The following ZBTB20 variants were observed in gnomAD, a reference collection of about 807,000 sequenced individuals.
ZBTB20 encodes the protein zinc finger and BTB domain-containing protein 20.
ZBTB20 carries 9 observed loss-of-function variants against 56.9 expected under a neutral mutation model. The observed-to-expected ratio is 0.16, with a 90% CI of 0.10 to 0.28. The LOEUF is 0.28. ZBTB20 is among the 10% of genes least tolerant of loss of function. The pLI is 1.00. For synonymous variants in ZBTB20, 417 were observed against 420.7 expected (o/e 0.99, Z 0.11); for missense variants, 655 against 1,003.0 (o/e 0.65, Z 4.69).
At chr3:114,354,975 C>T (rs886437912) in intron 10 of ZBTB20, among the ~76,000 whole-genome samples, 17 of 152,288 alleles carry the variant, frequency 1.1e-4, no homozygotes, top group Admixed American at 4.6e-4. Flanking sequence ...CACAGTAGCA[C>T]ATGGCAGTGT....
intron 7 of ZBTB20, among the ~76,000 whole-genome samples, chr3:114,437,073 G>T (rs1454527628): frequency 6.6e-6 from 1 of 152,150 alleles, no homozygotes; most frequent in African/African-American, 2.4e-5. Context: ...GGAGCTGGAG[G>T]GAGGGATAGG....
At chr3:115,047,979 G>C (rs146709216) in intron 2 of ZBTB20, among the ~76,000 whole-genome samples, 2,329 of 152,140 alleles carry the variant, frequency 0.015, 32 homozygotes, top group South Asian at 0.05. Context: ...CCAGCACTTT[G>C]GGAGGCTGAG....
chr3:114,638,703 C>G (rs1015997487), intron 6 of ZBTB20, among the ~76,000 whole-genome samples: 1 of 151,588 alleles, frequency 6.6e-6, no homozygotes, highest in African/African-American at 2.4e-5. Flanking sequence ...AGGATGAAAC[C>G]AGGTCAAAAA....
At position 114,336,055 on chromosome 3, in the gene ZBTB20, G is replaced by T. The variant is rs568974301; in HGVS notation, c.*2950C>A. ...AAGATCAACTTTTCAGGCGGTATTA[G>T]TGAAAATTCTTCCTACTTTGCTAAA... is the stretch of plus-strand genomic sequence containing the variant. On this transcript the variant is annotated 3_prime_UTR_variant, in exon 12 of 12. Coordinates refer to ENST00000675478, the MANE Select transcript of ZBTB20 (RefSeq NM_001348800.3). The T allele has an allele frequency of 9.3e-4, 142 of 152,330 alleles. No homozygotes were observed. The highest frequency in any genetic ancestry group is 3.3e-3 in the African/African-American group (137 of 41,570). 9.4% of individuals were successfully genotyped at this position (152,330 alleles called of 1,614,324 possible).
intron 5 of ZBTB20, among the ~76,000 whole-genome samples, chr3:114,698,661 T>A (rs2063205109): frequency 6.6e-6 from 1 of 152,168 alleles, no homozygotes; most frequent in African/African-American, 2.4e-5. Flanking sequence ...GATTTCTCCC[T>A]CAATGTGTGT....
chr3:114,442,598 C>A (rs111490697), intron 7 of ZBTB20, among the ~76,000 whole-genome samples: 3 of 152,250 alleles, frequency 2.0e-5, no homozygotes, highest in African/African-American at 7.2e-5. Flanking sequence ...ACCTTGTTCC[C>A]CTCACAAATA....
intron 3 of ZBTB20, among the ~76,000 whole-genome samples, chr3:114,946,022 A>C (rs1340321419): frequency 6.9e-6 from 1 of 145,834 alleles, no homozygotes. Context: ...AAATGTACAA[A>C]TTGACCAAAC....
chr3:114,515,374 G>T (rs1421350813), intron 6 of ZBTB20, among the ~76,000 whole-genome samples: 2 of 152,074 alleles, frequency 1.3e-5, no homozygotes, highest in African/African-American at 4.8e-5. Flanking sequence ...ACCTAGTTCT[G>T]GAGCTCAGAT....
intron 4 of ZBTB20, among the ~76,000 whole-genome samples, chr3:114,844,128 GA>G (rs1025739960): frequency 2.0e-5 from 3 of 151,024 alleles, no homozygotes; most frequent in African/African-American, 7.3e-5. Flanking sequence ...ACTATGCAGC[GA>G]AAAAAATGGT....
At chr3:115,131,636 T>C (rs1040251469) in intron 1 of ZBTB20, among the ~76,000 whole-genome samples, 18 of 152,204 alleles carry the variant, frequency 1.2e-4, no homozygotes, top group African/African-American at 4.3e-4. Context: ...TTCCCAAAAA[T>C]GAGACTGCCA....
At chr3:114,903,878 C>CT (rs771723646) in intron 3 of ZBTB20, among the ~76,000 whole-genome samples, 1 of 151,776 alleles carries the variant, frequency 6.6e-6, no homozygotes, top group Non-Finnish European at 1.5e-5. Flanking sequence ...GTTTGCAACT[C>CT]TAAGTAAAAA....
intron 7 of ZBTB20, among the ~76,000 whole-genome samples, chr3:114,435,082 G>A (rs191282006): frequency 2.6e-4 from 39 of 152,230 alleles, no homozygotes; most frequent in Non-Finnish European, 4.9e-4. Context: ...GGTTAATAAA[G>A]GGAAGTCTAA....
At chr3:115,001,696 A>T (rs1026737112) in intron 2 of ZBTB20, among the ~76,000 whole-genome samples, 1 of 151,526 alleles carries the variant, frequency 6.6e-6, no homozygotes, top group Non-Finnish European at 1.5e-5. Context: ...CAAAATATGT[A>T]TAAGATCTAT....
chr3:114,644,613 T>C (rs192341045), intron 6 of ZBTB20, among the ~76,000 whole-genome samples: 2 of 152,228 alleles, frequency 1.3e-5, no homozygotes, highest in Non-Finnish European at 2.9e-5. Flanking sequence ...AGGTGCTGCA[T>C]GATTGTGGAG....
intron 4 of ZBTB20, among the ~76,000 whole-genome samples, chr3:114,849,436 G>A (rs970569427): frequency 6.6e-6 from 1 of 152,132 alleles, no homozygotes; most frequent in Non-Finnish European, 1.5e-5. Flanking sequence ...CACTTCCTCT[G>A]TGACCATGAG....
chr3:114,602,975 GC>G (rs1406613344), intron 6 of ZBTB20, among the ~76,000 whole-genome samples: 1 of 151,922 alleles, frequency 6.6e-6, no homozygotes, highest in Non-Finnish European at 1.5e-5. Flanking sequence ...TGAATTCAGA[GC>G]TTCTGACTCT....
At chr3:114,684,392 A>G (rs192461014) in intron 6 of ZBTB20, among the ~76,000 whole-genome samples, 2 of 152,262 alleles carry the variant, frequency 1.3e-5, no homozygotes, top group African/African-American at 4.8e-5. Context: ...TTGTTTTTGT[A>G]TCTGGTTTGT....
At chr3:114,593,410 G>T (rs1320435978) in intron 6 of ZBTB20, among the ~76,000 whole-genome samples, 1 of 147,080 alleles carries the variant, frequency 6.8e-6, no homozygotes, top group Non-Finnish European at 1.5e-5. Flanking sequence ...TTGAGACGGA[G>T]TGTCGCTCTT....
intron 6 of ZBTB20, among the ~76,000 whole-genome samples, chr3:114,584,190 A>G (rs1322691900): frequency 6.6e-6 from 1 of 152,180 alleles, no homozygotes; most frequent in Non-Finnish European, 1.5e-5. Flanking sequence ...ACATACACAC[A>G]CTGATAGCTA....
Sources: gnomAD v4.1 joint callset for allele counts (sites outside exome capture counted in the v4.1 genomes callset) on GRCh38, gnomAD v4.1.1 for gene constraint, MANE v1.5 for transcripts, NCBI Gene and HGNC (gene_info 2026-07-23, HGNC 2026-07-21) for gene names.